MARCHF3: variants seen among roughly 807,000 people sequenced by gnomAD.
MARCHF3 encodes the protein E3 ubiquitin-protein ligase MARCHF3.
MARCHF3 carries 13 observed loss-of-function variants against 24.2 expected under a neutral mutation model. That is an observed-to-expected ratio of 0.54 (90% CI 0.35 to 0.85). The LOEUF (loss-of-function observed/expected upper bound fraction) is 0.85. MARCHF3 is among the 40% of genes least tolerant of loss of function. MARCHF3 has a pLI of 0.01. For missense variants in MARCHF3, 276 were observed against 325.0 expected (o/e 0.85, Z 1.16); for synonymous variants, 144 against 137.3 (o/e 1.05, Z -0.34).
intron 1 of MARCHF3, among the ~76,000 whole-genome samples, chr5:126,937,330 CT>C (rs906035041): frequency 2.0e-5 from 3 of 151,480 alleles, no homozygotes; most frequent in Non-Finnish European, 2.9e-5. Context: ...ATCTGGTTAC[CT>C]TTTTTTTTCT....
chr5:126,988,887 T>C (rs568016914), intron 1 of MARCHF3, among the ~76,000 whole-genome samples: 29 of 152,296 alleles, frequency 1.9e-4, no homozygotes, highest in South Asian at 8.3e-4. Flanking sequence ...CCTATATATA[T>C]ACTATTTTCA....
At chr5:126,902,019 A>C (rs1170320267) in intron 3 of MARCHF3, among the ~76,000 whole-genome samples, 1 of 152,124 alleles carries the variant, frequency 6.6e-6, no homozygotes, top group Non-Finnish European at 1.5e-5. Context: ...CATAGCTGTC[A>C]ACATTTGCTG....
At chr5:127,009,629 A>G (rs1461392187) in intron 1 of MARCHF3, among the ~76,000 whole-genome samples, 2 of 152,212 alleles carry the variant, frequency 1.3e-5, no homozygotes, top group Non-Finnish European at 2.9e-5. Flanking sequence ...ATGTTTGCAT[A>G]TGGGATTTCC....
chr5:126,965,808 G>T (rs1750796829), intron 1 of MARCHF3, among the ~76,000 whole-genome samples: 1 of 152,154 alleles, frequency 6.6e-6, no homozygotes, highest in Admixed American at 6.6e-5. Context: ...GCAACTGTCT[G>T]GGAAAGGAGT....
At position 126,978,324 on chromosome 5, in the gene MARCHF3, C is replaced by T. The variant is rs898448050; in HGVS notation, c.-57+52026G>A. Reference sequence around the variant, plus strand: ...GACCAGCCCCATTCGGGTCACCAACCGATAATTAGGTCCCATGCAGAATTA... The same window carrying T: ...GACCAGCCCCATTCGGGTCACCAACTGATAATTAGGTCCCATGCAGAATTA... On this transcript the variant is annotated intron_variant, in intron 1 of 4. Transcript: ENST00000308660. Among the ~76,000 whole-genome samples the T allele has an allele frequency of 9.2e-5, 14 of 152,118 alleles. No individual in the cohort carries two copies. In the East Asian group the frequency reaches 2.5e-3, roughly 27 times the overall value.
At chr5:126,909,282 TGCC>T (rs1167426353) in intron 3 of MARCHF3, among the ~76,000 whole-genome samples, 3 of 152,256 alleles carry the variant, frequency 2.0e-5, no homozygotes, top group Non-Finnish European at 4.4e-5. Flanking sequence ...TGTTTGTCTG[TGCC>T]CTGCACGCAG....
chr5:126,901,031 C>T (rs1031643609), intron 3 of MARCHF3, among the ~76,000 whole-genome samples: 1 of 152,042 alleles, frequency 6.6e-6, no homozygotes, highest in African/African-American at 2.4e-5. Flanking sequence ...TTTGCCTTCT[C>T]CACTTACTAG....
intron 1 of MARCHF3, among the ~76,000 whole-genome samples, chr5:126,942,914 A>G (rs1045903293): frequency 1.8e-4 from 28 of 152,220 alleles, no homozygotes; most frequent in African/African-American, 6.3e-4. Flanking sequence ...TTCTTTTTCT[A>G]TGATTTACAC....
chr5:126,937,640 C>T (rs1333153093), intron 1 of MARCHF3, among the ~76,000 whole-genome samples: 4 of 152,098 alleles, frequency 2.6e-5, no homozygotes, highest in Non-Finnish European at 4.4e-5. Flanking sequence ...AGTGGAAGAA[C>T]CTGATTAACT....
At position 127,025,321 on chromosome 5, in the gene MARCHF3, AAAAAG is replaced by A. The variant is rs1440076442; in HGVS notation, c.-57+5024_-57+5028del. 1.1e-4 allele frequency among the ~76,000 whole-genome samples: 16 copies of A among 149,736 alleles called. No individual in the cohort carries two copies. The South Asian group carries it at 1.7e-3, about 16-fold the overall frequency. ...GGAAAAAGTTATTAAAAAAAAAAAAAAAAAGAAAGAAACTAACCAGGGGAAGGCCT... is the reference window on the plus strand; with the variant it reads ...GGAAAAAGTTATTAAAAAAAAAAAAAAAAGAAACTAACCAGGGGAAGGCCT... On this transcript the variant is annotated intron_variant, in intron 1 of 4. Transcript: ENST00000308660.
intron 1 of MARCHF3, among the ~76,000 whole-genome samples, chr5:127,011,750 T>C (rs1267314608): frequency 1.3e-5 from 2 of 152,228 alleles, no homozygotes; most frequent in African/African-American, 2.4e-5. Context: ...TATTCCTTGT[T>C]AACAATTTCA....
chr5:126,899,306 C>A, intron 3 of MARCHF3: 1 of 985,178 alleles, frequency 1.0e-6, no homozygotes, highest in Non-Finnish European at 1.2e-6. Context: ...GGGAGAGCCA[C>A]AAATAATTGA....
At position 126,902,492 on chromosome 5, in the gene MARCHF3, T is replaced by G. The variant is rs1017976528; in HGVS notation, c.393+12438A>C. ...AAGTTCACAGCAAGGATCAGAACAA[T>G]TGAAAATAACAGAATCTGGTTATGG... is the stretch of plus-strand genomic sequence containing the variant. On this transcript the variant is annotated intron_variant, in intron 3 of 4. Coordinates refer to ENST00000308660, the MANE Select transcript of MARCHF3 (RefSeq NM_178450.5). Among the ~76,000 whole-genome samples, 104 of 152,162 alleles carry G rather than the reference T, an allele frequency of 6.8e-4. 1 individual carries two copies. The highest frequency in any genetic ancestry group is 2.4e-3 in the African/African-American group (101 of 41,498).
At chr5:126,981,557 G>T (rs1751394945) in intron 1 of MARCHF3, among the ~76,000 whole-genome samples, 1 of 152,214 alleles carries the variant, frequency 6.6e-6, no homozygotes, top group South Asian at 2.1e-4. Context: ...TAGAGAAATG[G>T]TTGTAGGATA....
At chr5:126,992,987 T>A (rs1057311235) in intron 1 of MARCHF3, among the ~76,000 whole-genome samples, 1 of 152,182 alleles carries the variant, frequency 6.6e-6, no homozygotes, top group Non-Finnish European at 1.5e-5. Flanking sequence ...TTAGCCAGGA[T>A]GGTCTCGATC....
At position 126,925,594 on chromosome 5, in the gene MARCHF3, A is replaced by C. The variant is rs55958512; in HGVS notation, c.-56-7367T>G. Among the ~76,000 whole-genome samples the C allele has an allele frequency of 8.5e-3, 1,290 of 152,300 alleles. 19 individuals carry two copies. The highest frequency in any genetic ancestry group is 0.025 in the East Asian group (132 of 5,188). On this transcript the variant is annotated intron_variant, in intron 1 of 4. Coordinates refer to ENST00000308660, the MANE Select transcript of MARCHF3 (RefSeq NM_178450.5). ...ATTATATAGATGAAAATGGCAATTA[A>C]AAATCCCACAACAATGCTATGTGTT...
chr5:126,871,389 A>C (rs549622416), intron 4 of MARCHF3, among the ~76,000 whole-genome samples: 99 of 152,342 alleles, frequency 6.5e-4, no homozygotes, highest in African/African-American at 2.3e-3. Flanking sequence ...AGGAAATCAC[A>C]GTGTGGCCAC....
At chr5:126,975,741 G>A (rs1751171223) in intron 1 of MARCHF3, among the ~76,000 whole-genome samples, 1 of 152,178 alleles carries the variant, frequency 6.6e-6, no homozygotes, top group Non-Finnish European at 1.5e-5. Context: ...GCGAGTTGAG[G>A]TCCATGTGGG....
intron 3 of MARCHF3, among the ~76,000 whole-genome samples, chr5:126,888,528 T>TA (rs11393833): frequency 0.016 from 2,480 of 152,296 alleles, 62 homozygotes; most frequent in African/African-American, 0.053. Flanking sequence ...AAATAATCTC[T>TA]AATTATTTTA....
Sources: gnomAD v4.1 joint callset for allele counts (sites outside exome capture counted in the v4.1 genomes callset) on GRCh38, gnomAD v4.1.1 for gene constraint, MANE v1.5 for transcripts, NCBI Gene and HGNC (gene_info 2026-07-23, HGNC 2026-07-21) for gene names.